The following C20orf203 variants were observed in gnomAD, a reference collection of about 807,000 sequenced individuals.
The protein encoded by C20orf203 is chromosome 20 open reading frame 203.
C20orf203 carries 16 observed loss-of-function variants against 15.9 expected under a neutral mutation model. The ratio of observed to expected loss-of-function variants is 1.01; its 90% CI spans 0.68 to 1.53. C20orf203 has a LOEUF of 1.53. C20orf203 is among the 40% of genes most tolerant of loss of function. The pLI is 0.00. For missense variants in C20orf203, 263 were observed against 247.5 expected (o/e 1.06, Z -0.42); for synonymous variants, 98 against 97.2 (o/e 1.01, Z -0.05).
rs1418084005 is a variant in C20orf203 at position 32,632,417 on chromosome 20, A to G, written c.*3153T>C. 6.6e-6 allele frequency: 1 copy of G among 152,196 alleles called. No individual in the cohort carries two copies. Among genetic ancestry groups the G allele is most frequent in the Non-Finnish European group, 1.5e-5 (1 of 68,036 alleles). The allele number at this position is 152,196 out of a possible 1,614,324, so 9.4% of individuals were successfully genotyped here. On this transcript the variant is annotated 3_prime_UTR_variant, in exon 6 of 6. Coordinates refer to ENST00000608990, the MANE Select transcript of C20orf203 (RefSeq NM_182584.4). The stretch of plus-strand genomic sequence containing the variant: ...CAAAGGGGTAAAATAATTCAAACAA[A>G]GCAAAGGGATGTACAGTGAAAAACA...
At position 32,650,550 on chromosome 20, in the gene C20orf203, G is replaced by A. The variant is rs1476742355; in HGVS notation, c.467C>T (p.Ala156Val). The change falls in exon 4 of 6, where the codon GCC becomes GTC. Residue 156 changes from alanine (A) to valine (V), a missense_variant. Transcript: ENST00000608990. ...GDFGQALSSLAWTSTCFQDFC... is the reference protein window; with the variant it reads ...GDFGQALSSLVWTSTCFQDFC... ...GTCCTGGAAACATGTTGAGGTCCAG[G>A]CCAGCGAGGACAGAGCTTGGCCAAA... 5.8e-6 allele frequency: 9 copies of A among 1,549,330 alleles called. No individual in the cohort carries two copies. Among genetic ancestry groups the A allele is most frequent in the African/African-American group, 1.4e-5 (1 of 73,032 alleles).
At chr20:32,654,818 C>T (rs981943593) in intron 1 of C20orf203, among the ~76,000 whole-genome samples, 3 of 151,950 alleles carry the variant, frequency 2.0e-5, no homozygotes, top group Non-Finnish European at 2.9e-5. Flanking sequence ...CATTCCAGCC[C>T]GTGTGACACA....
intron 1 of C20orf203, among the ~76,000 whole-genome samples, chr20:32,663,293 T>C (rs1296179377): frequency 2.0e-5 from 3 of 151,346 alleles, no homozygotes; most frequent in Admixed American, 6.6e-5. Flanking sequence ...TGAATTCCCT[T>C]GGTGGAAATG....
At chr20:32,657,061 T>C (rs1264015916) in intron 1 of C20orf203, 2 of 152,796 alleles carry the variant, frequency 1.3e-5, no homozygotes. Flanking sequence ...ACAAACATCA[T>C]GCTGGGGCCA....
At chr20:32,637,134 G>A (rs1412930188) in intron 5 of C20orf203, among the ~76,000 whole-genome samples, 2 of 152,268 alleles carry the variant, frequency 1.3e-5, no homozygotes, top group Non-Finnish European at 2.9e-5. Flanking sequence ...ACAGGGCTGG[G>A]TGCAATGGCT....
intron 4 of C20orf203, among the ~76,000 whole-genome samples, chr20:32,645,465 T>C (rs1290320741): frequency 6.6e-6 from 1 of 152,126 alleles, no homozygotes; most frequent in Non-Finnish European, 1.5e-5. Context: ...CCTGCCCCCC[T>C]GGGGGGATAT....
chr20:32,643,163 C>A (rs1037508752), intron 4 of C20orf203, among the ~76,000 whole-genome samples: 11 of 152,194 alleles, frequency 7.2e-5, no homozygotes, highest in Non-Finnish European at 1.0e-4. Flanking sequence ...GTGGTAAAGA[C>A]AGGCTGGGAG....
At chr20:32,658,817 C>T (rs548242929) in intron 1 of C20orf203, among the ~76,000 whole-genome samples, 1 of 151,500 alleles carries the variant, frequency 6.6e-6, no homozygotes, top group Non-Finnish European at 1.5e-5. Flanking sequence ...CCGGCCTTGG[C>T]GTCCAGGGCT....
At chr20:32,650,931 A>G in intron 3 of C20orf203, 50 bp from the exon 4 acceptor site, 2 of 1,439,700 alleles carry the variant, frequency 1.4e-6, no homozygotes, top group Non-Finnish European at 9.2e-7. Context: ...AGTACCTGAG[A>G]CTCGCAAGGG....
At chr20:32,643,374 A>C (rs1462620958) in intron 4 of C20orf203, among the ~76,000 whole-genome samples, 2 of 152,134 alleles carry the variant, frequency 1.3e-5, no homozygotes, top group Non-Finnish European at 1.5e-5. Flanking sequence ...GCCAGTTAAA[A>C]TCTCAGCCTT....
intron 1 of C20orf203, among the ~76,000 whole-genome samples, chr20:32,665,198 G>A (rs1982989352): frequency 6.6e-6 from 1 of 152,312 alleles, no homozygotes; most frequent in South Asian, 2.1e-4. Context: ...TCTGCTCAGA[G>A]GATTCTGATC....
chr20:32,659,403 A>C (rs541324202), intron 1 of C20orf203, among the ~76,000 whole-genome samples: 138 of 152,336 alleles, frequency 9.1e-4, no homozygotes, highest in Non-Finnish European at 1.8e-3. Context: ...AGCTCAATGA[A>C]CACTCTCTAC....
Position 32,636,028 on chromosome 20 carries a change from A to G in C20orf203, c.*1300-1758T>C, listed in dbSNP as rs74669620. ...TCTGCTTTCTCTCTCCATCTGGCAC[A>G]GTTCCCCCAGCCCCCAGGCCCCCCT... On this transcript the variant is annotated intron_variant, in intron 5 of 5. Transcript: ENST00000608990. Among the ~76,000 whole-genome samples, 1,106 of 152,188 alleles carry G rather than the reference A, an allele frequency of 7.3e-3. 12 individuals carry two copies. Among genetic ancestry groups the G allele is most frequent in the African/African-American group, 0.026 (1,073 of 41,524 alleles).
chr20:32,656,946 G>C (rs1982773179), intron 1 of C20orf203: 1 of 151,838 alleles, frequency 6.6e-6, no homozygotes, highest in African/African-American at 2.4e-5. Flanking sequence ...TCCATCAGCT[G>C]ATGAATGGAT....
chr20:32,672,831 G>A (rs1038279002), intron 1 of C20orf203, among the ~76,000 whole-genome samples: 14 of 152,176 alleles, frequency 9.2e-5, no homozygotes, highest in Middle Eastern at 3.4e-3. Flanking sequence ...TGGCCCTGCT[G>A]TCTTCCCACA....
intron 1 of C20orf203, among the ~76,000 whole-genome samples, chr20:32,669,188 C>T (rs539606260): frequency 6.6e-6 from 1 of 152,276 alleles, no homozygotes; most frequent in South Asian, 2.1e-4. Context: ...AGGGGCTTGG[C>T]CTCTCTGGGA....
intron 1 of C20orf203, among the ~76,000 whole-genome samples, chr20:32,668,747 C>G (rs1156986257): frequency 6.6e-6 from 1 of 151,980 alleles, no homozygotes; most frequent in Non-Finnish European, 1.5e-5. Flanking sequence ...TGCTTGAACT[C>G]GGGAGGTTGC....
chr20:32,641,452 A>G (rs1053708579), intron 4 of C20orf203, among the ~76,000 whole-genome samples: 1 of 152,014 alleles, frequency 6.6e-6, no homozygotes. Flanking sequence ...CTGTGTGTAG[A>G]TATATGTTTT....
chr20:32,651,142 C>T lies in C20orf203; in HGVS notation c.11G>A (p.Arg4Lys). The change falls in exon 3 of 6, where the codon AGG becomes AAG. Residue 4 changes from arginine to lysine, a missense_variant. By Grantham distance (26) the Arg-to-Lys change is conservative (BLOSUM62 2). Transcript: ENST00000608990. MFP[R>K]PVLNSRAQAI... ...TTGAGCCCGGGAGTTCAAGACAGGC[C>T]TAGGAAACATAGGAGACCCTCTCTC... 1.4e-6 allele frequency: 1 copy of T among 707,434 alleles called. No individual in the cohort carries two copies. The highest frequency in any genetic ancestry group is 2.1e-6 in the Non-Finnish European group (1 of 467,332). The allele number at this position is 707,434 out of a possible 1,614,324, so 43.8% of individuals were successfully genotyped here. A position where few individuals can be genotyped will look rare whatever the true frequency, so the allele number is the denominator to read the frequency against.
Sources: allele counts gnomAD v4.1 joint callset (sites outside exome capture counted in the v4.1 genomes callset), GRCh38; gene constraint gnomAD v4.1.1; transcripts MANE v1.5; gene names NCBI Gene and HGNC (gene_info 2026-07-23, HGNC 2026-07-21).